AGPAT4: variants seen among roughly 807,000 people sequenced by gnomAD.
AGPAT4 encodes 1-acyl-sn-glycerol-3-phosphate acyltransferase delta.
AGPAT4 carries 15 observed loss-of-function variants against 48.0 expected under a neutral mutation model. The observed-to-expected ratio is 0.31, with a 90% CI of 0.21 to 0.48. The LOEUF is 0.48. AGPAT4 is among the 20% of genes least tolerant of loss of function. AGPAT4 has a pLI of 0.99. For missense variants in AGPAT4, 314 were observed against 482.5 expected, an observed-to-expected ratio of 0.65 and a Z score of 3.27; for synonymous variants, 178 against 198.7, an observed-to-expected ratio of 0.90 and a Z score of 0.88.
At position 161,148,757 on chromosome 6, in the gene AGPAT4, AATC is replaced by A. The variant is rs1583280679; in HGVS notation, c.767+427_767+429del. Among the ~76,000 whole-genome samples the A allele has an allele frequency of 6.6e-6, 1 of 152,318 alleles. No homozygotes were observed. Among genetic ancestry groups the A allele is most frequent in the East Asian group, 1.9e-4 (1 of 5,192 alleles). ...TATGTTCTGGAAGTGTCTTCAATAA[AATC>A]ATTAATAGCCTGGAACATAACACAT... On this transcript the variant is annotated intron_variant, in intron 6 of 8. Transcript: ENST00000320285. The surrounding 1 kb of genome is among the most constrained non-coding windows in gnomAD (Gnocchi z 5.5).
chr6:161,147,761 G>A lies in AGPAT4; in HGVS notation c.768-1162C>T, dbSNP rs958134734. Among the ~76,000 whole-genome samples, 4 of 152,182 alleles carry A rather than the reference G, an allele frequency of 2.6e-5. No homozygotes were observed. Among genetic ancestry groups the A allele is most frequent in the Non-Finnish European group, 4.4e-5 (3 of 68,034 alleles). Reference sequence around the variant, plus strand: ...TTTGGAAATGAGATCTCTCAAGTCTGCCTAATATTTCTTTATTTGGAGAGT... The same window carrying A: ...TTTGGAAATGAGATCTCTCAAGTCTACCTAATATTTCTTTATTTGGAGAGT... On this transcript the variant is annotated intron_variant, in intron 6 of 8. Transcript: ENST00000320285. This position sits in a 1 kb window ranked among gnomAD's most constrained non-coding sequence, Gnocchi z 4.8.
intron 2 of AGPAT4, among the ~76,000 whole-genome samples, chr6:161,174,997 C>T (rs962713024): frequency 6.6e-6 from 1 of 152,176 alleles, no homozygotes; most frequent in African/African-American, 2.4e-5. Flanking sequence ...AGGGATGAAG[C>T]CAACTTGATC....
At chr6:161,185,910 T>C (rs1047254278) in intron 2 of AGPAT4, among the ~76,000 whole-genome samples, 2 of 152,174 alleles carry the variant, frequency 1.3e-5, no homozygotes, top group Non-Finnish European at 2.9e-5. Flanking sequence ...ACAATGCAAT[T>C]TGAAAATACT....
In AGPAT4 at chr6:161,225,459, G is replaced by T. The variant is rs1224245126; in HGVS notation, c.178+6577C>A. Among the ~76,000 whole-genome samples the T allele has an allele frequency of 6.6e-6, 1 of 152,160 alleles. No homozygotes were observed. The highest frequency in any genetic ancestry group is 1.5e-5 in the Non-Finnish European group (1 of 68,032). ...AACTTGCCTTGCTGAGAATTAAAAA[G>T]AAAATTTTATATTCGAGTGCTATTT... On this transcript the variant is annotated intron_variant, in intron 2 of 8. Transcript: ENST00000320285. The surrounding 1 kb of genome is among the most constrained non-coding windows in gnomAD (Gnocchi z 5.0).
chr6:161,157,357 G>A (rs1214440221), intron 3 of AGPAT4, among the ~76,000 whole-genome samples: 1 of 152,214 alleles, frequency 6.6e-6, no homozygotes, highest in Non-Finnish European at 1.5e-5. Flanking sequence ...TTGTCGCACA[G>A]GCTGGAGTGC....
intron 1 of AGPAT4, among the ~76,000 whole-genome samples, chr6:161,256,329 C>T (rs969362402): frequency 3.9e-5 from 6 of 152,130 alleles, no homozygotes; most frequent in South Asian, 2.1e-4. Flanking sequence ...CGGCAGCGAC[C>T]GCCACCATCT....
chr6:161,248,007 A>AAG (rs1782706632), intron 1 of AGPAT4, among the ~76,000 whole-genome samples: 1 of 144,564 alleles, frequency 6.9e-6, no homozygotes, highest in African/African-American at 2.6e-5. Flanking sequence ...AAAAAAAAAA[A>AAG]GTCCTGGCCA....
In AGPAT4 at chr6:161,144,106, A is replaced by G. The variant is rs776632294; in HGVS notation, c.843+2418T>C. 1 of 532,618 alleles carries G rather than the reference A, an allele frequency of 1.9e-6. No homozygotes were observed. Among genetic ancestry groups the G allele is most frequent in the East Asian group, 5.4e-5 (1 of 18,352 alleles). The allele number at this position is 532,618 out of a possible 1,614,324, so 33.0% of individuals were successfully genotyped here. ...GGCTCCTAGCAAAATAGGCTGATAC[A>G]GAAAGGAATTGTCCCTTGATGTCTA... On this transcript the variant is annotated intron_variant, in intron 7 of 8. Transcript: ENST00000320285. This position sits in a 1 kb window ranked among gnomAD's most constrained non-coding sequence, Gnocchi z 6.6.
rs144362957 is a variant in AGPAT4 at position 161,139,574 on chromosome 6, G to A, written c.890C>T (p.Thr297Met). ...GGGCCGCCGGGGGGGCACCATGGGC[G>A]TCTCTGGGAAGGTGCCCGTCCTGTA... ...EYYRTGTFPE[T>M]PMVPPRRPWT... The change falls in exon 8 of 9, where the codon ACG (threonine) becomes ATG (methionine). Residue 297 changes from threonine (T) to methionine (M), a missense_variant. Coordinates refer to ENST00000320285, the MANE Select transcript of AGPAT4 (RefSeq NM_020133.3). This position sits in a 1 kb window ranked among gnomAD's most constrained non-coding sequence, Gnocchi z 9.1. The A allele has an allele frequency of 1.2e-4, 190 of 1,613,846 alleles. No homozygotes were observed. Among genetic ancestry groups the A allele is most frequent in the Middle Eastern group, 1.7e-4 (1 of 6,058 alleles).
intron 2 of AGPAT4, among the ~76,000 whole-genome samples, chr6:161,170,863 G>A (rs915089622): frequency 2.0e-5 from 3 of 152,132 alleles, no homozygotes; most frequent in Non-Finnish European, 2.9e-5. Flanking sequence ...TTTCAAGTAC[G>A]TTCAGCCTGT....
intron 2 of AGPAT4, among the ~76,000 whole-genome samples, chr6:161,228,575 CT>C (rs10564297): frequency 0.18 from 19,909 of 108,338 alleles, 1,816 homozygotes; most frequent in African/African-American, 0.23. Context: ...CACCCCCTGC[CT>C]TTTTTTTTTT....
Position 161,214,921 on chromosome 6 carries a change from G to T in AGPAT4, c.178+17115C>A, listed in dbSNP as rs1781604620. Among the ~76,000 whole-genome samples, 1 of 152,136 alleles carries T rather than the reference G, an allele frequency of 6.6e-6. No homozygotes were observed. Among genetic ancestry groups the T allele is most frequent in the Non-Finnish European group, 1.5e-5 (1 of 68,028 alleles). On this transcript the variant is annotated intron_variant, in intron 2 of 8. Coordinates refer to ENST00000320285, the MANE Select transcript of AGPAT4 (RefSeq NM_020133.3). The surrounding 1 kb of genome is among the most constrained non-coding windows in gnomAD (Gnocchi z 5.4). Reference sequence around the variant, plus strand: ...ACTATATTTCAAAACTATCTACGTTGACCTCCAAACCTGTTCTGCTGGCCT... The same window carrying T: ...ACTATATTTCAAAACTATCTACGTTTACCTCCAAACCTGTTCTGCTGGCCT...
At chr6:161,224,657 A>AG (rs1318142864) in intron 2 of AGPAT4, among the ~76,000 whole-genome samples, 12 of 151,344 alleles carry the variant, frequency 7.9e-5, no homozygotes, top group South Asian at 2.1e-4. Context: ...AAAAAAAAAA[A>AG]AAAGAAAGAA....
At position 161,131,114 on chromosome 6, in the gene AGPAT4, T is replaced by C. The variant is rs1350542040; in HGVS notation, c.*5426A>G. The stretch of plus-strand genomic sequence containing the variant: ...GAGGTGCCAGAAATGTCAAAAAATA[T>C]CTAGTCATTCCAATATGTAAAACAA... On this transcript the variant is annotated 3_prime_UTR_variant, in exon 9 of 9. Transcript: ENST00000320285. 6.5e-6 allele frequency: 2 copies of C among 307,370 alleles called. No homozygotes were observed. Among genetic ancestry groups the C allele is most frequent in the East Asian group, 7.7e-5 (1 of 12,954 alleles). 19.0% of individuals were successfully genotyped at this position (307,370 alleles called of 1,614,324 possible). A position where few individuals can be genotyped will look rare whatever the true frequency, so the allele number is the denominator to read the frequency against.
At chr6:161,258,669 C>T (rs933101614) in intron 1 of AGPAT4, among the ~76,000 whole-genome samples, 20 of 151,940 alleles carry the variant, frequency 1.3e-4, no homozygotes, top group African/African-American at 3.4e-4. Flanking sequence ...CCCCACTCCC[C>T]GCAAAAAACA....
Position 161,231,992 on chromosome 6 carries a change from A to AGC in AGPAT4, c.178+43_178+44insGC. 1 of 1,581,824 alleles carries AGC rather than the reference A, an allele frequency of 6.3e-7. No individual in the cohort carries two copies. The highest frequency in any genetic ancestry group is 8.7e-7 in the Non-Finnish European group (1 of 1,154,716). On this transcript the variant is annotated intron_variant, in intron 2 of 8. Coordinates refer to ENST00000320285, the MANE Select transcript of AGPAT4 (RefSeq NM_020133.3). This position sits in a 1 kb window ranked among gnomAD's most constrained non-coding sequence, Gnocchi z 5.3. ...ATCAAGAGCCATAATTCTGATACAC[A>AGC]CATCCACAATGGAGACGAAAATATA...
intron 2 of AGPAT4, among the ~76,000 whole-genome samples, chr6:161,193,239 TC>T (rs1255455765): frequency 6.6e-6 from 1 of 152,238 alleles, no homozygotes; most frequent in Non-Finnish European, 1.5e-5. Context: ...TGATGTGTCT[TC>T]CAGTTCACTA....
At chr6:161,182,684 C>T (rs1780635936) in intron 2 of AGPAT4, among the ~76,000 whole-genome samples, 1 of 152,228 alleles carries the variant, frequency 6.6e-6, no homozygotes, top group South Asian at 2.1e-4. Context: ...CTTGGCATGG[C>T]CTGGCTCCTG....
At position 161,161,523 on chromosome 6, in the gene AGPAT4, A is replaced by T. The variant is rs1425626832; in HGVS notation, c.348+4725T>A. The T allele has an allele frequency of 2.2e-6, 1 of 456,568 alleles. No homozygotes were observed. The highest frequency in any genetic ancestry group is 2.0e-5 in the African/African-American group (1 of 50,214). The allele number at this position is 456,568 out of a possible 1,614,324, so 28.3% of individuals were successfully genotyped here. A position where few individuals can be genotyped will look rare whatever the true frequency, so the allele number is the denominator to read the frequency against. On this transcript the variant is annotated intron_variant, in intron 3 of 8. Coordinates refer to ENST00000320285, the MANE Select transcript of AGPAT4 (RefSeq NM_020133.3). The surrounding 1 kb of genome is among the most constrained non-coding windows in gnomAD (Gnocchi z 4.6). Reference sequence around the variant, plus strand: ...ATGAATTCACATGGTGGCGGGCAGCACTGGGTATCTGCCATAGGCTCAGGT... The same window carrying T: ...ATGAATTCACATGGTGGCGGGCAGCTCTGGGTATCTGCCATAGGCTCAGGT...
Sources: allele counts gnomAD v4.1 joint callset (sites outside exome capture counted in the v4.1 genomes callset), GRCh38; gene constraint gnomAD v4.1.1; non-coding constraint Gnocchi (gnomAD v3.1); transcripts MANE v1.5; gene names NCBI Gene and HGNC (gene_info 2026-07-23, HGNC 2026-07-21).